The following BCO2 variants were observed in gnomAD, a reference collection of about 807,000 sequenced individuals.
BCO2 encodes the protein carotenoid-cleaving dioxygenase, mitochondrial.
In BCO2, 56 loss-of-function variants were observed where a neutral mutation model predicts 65.8. The ratio of observed to expected loss-of-function variants is 0.85; its 90% CI spans 0.69 to 1.06. The LOEUF (loss-of-function observed/expected upper bound fraction) is 1.06, where lower values mean the gene tolerates loss of function less well. Ranked by LOEUF, BCO2 falls within the 50% of genes least tolerant of loss-of-function variation. The probability of loss-of-function intolerance (pLI) is 0.00; values close to 1 mark genes in which losing one functional copy is unlikely to be tolerated. For missense variants in BCO2, 675 were observed against 698.5 expected (o/e 0.97, Z 0.38); for synonymous variants, 233 against 242.3 (o/e 0.96, Z 0.36).
intron 5 of BCO2, among the ~76,000 whole-genome samples, chr11:112,196,083 T>C (rs1012542221): frequency 5.3e-5 from 8 of 152,228 alleles, no homozygotes; most frequent in African/African-American, 1.9e-4. Context: ...TGGACATTCC[T>C]CTGCTGGGTG....
chr11:112,175,898 AT>A (rs759413498), intron 1 of BCO2: 9 of 474,112 alleles, frequency 1.9e-5, no homozygotes, highest in Non-Finnish European at 3.1e-5. Context: ...CAGCCTTCAC[AT>A]TTGTATATTT....
chr11:112,212,078 A>G (rs1327325576), intron 8 of BCO2, among the ~76,000 whole-genome samples: 1 of 152,100 alleles, frequency 6.6e-6, no homozygotes, highest in Non-Finnish European at 1.5e-5. Context: ...ATGAATCTTA[A>G]GAATAGCACT....
Position 112,193,980 on chromosome 11 carries a change from G to C in BCO2, c.619G>C (p.Glu207Gln), listed in dbSNP as rs556041453. ...GAATAAAGTGGACATTGAAACTCTG[G>C]AAAAAACAGAAAAGGTAAAGTACAG... ...FMNKVDIETL[E>Q]KTEKVDWSKF... The change falls in exon 4 of 12, where the codon GAA (glutamate) becomes CAA (glutamine). Residue 207 changes from glutamate (E) to glutamine (Q), a missense_variant. Coordinates refer to ENST00000357685, the MANE Select transcript of BCO2 (RefSeq NM_031938.7). 2 of 1,577,430 alleles carry C rather than the reference G, an allele frequency of 1.3e-6. No homozygotes were observed. The highest frequency in any genetic ancestry group is 2.2e-5 in the South Asian group (2 of 90,232).
intron 5 of BCO2, among the ~76,000 whole-genome samples, chr11:112,197,582 C>T (rs942622709): frequency 6.6e-6 from 1 of 151,780 alleles, no homozygotes; most frequent in African/African-American, 2.4e-5. Flanking sequence ...TCAGCAATGC[C>T]TTCAAAATAT....
At position 112,199,871 on chromosome 11, in the gene BCO2, T is replaced by C. The variant is rs376667294; in HGVS notation, c.865+44T>C. Reference sequence around the variant, plus strand: ...CAAATTTCAGTGGGCTCTGCCTTGATGTTGCTGTAGCAGAAGGACTAGTCT... The same window carrying C: ...CAAATTTCAGTGGGCTCTGCCTTGACGTTGCTGTAGCAGAAGGACTAGTCT... On this transcript the variant is annotated intron_variant, in intron 6 of 11. Transcript: ENST00000357685. 4.5e-5 allele frequency: 72 copies of C among 1,603,914 alleles called. No individual in the cohort carries two copies. The African/African-American group carries it at 9.3e-4, about 21-fold the overall frequency.
rs12803576 is a variant in BCO2, at chr11:112,215,747, C to A, written c.1516-473C>A. The A allele has an allele frequency of 6.1e-4, 73 of 119,870 alleles. 1 individual carries two copies. Among genetic ancestry groups the A allele is most frequent in the Non-Finnish European group, 9.1e-4 (49 of 53,874 alleles). The allele number at this position is 119,870 out of a possible 1,614,324, so 7.4% of individuals were successfully genotyped here. A position where few individuals can be genotyped will look rare whatever the true frequency, so the allele number is the denominator to read the frequency against. ...AACAAAACAAAAAAACAAAAAAAAA[C>A]AAAAAAAAAAGGAAAAAGAAAAGAG... is the stretch of plus-strand genomic sequence containing the variant. On this transcript the variant is annotated intron_variant, in intron 10 of 11. Coordinates refer to ENST00000357685, the MANE Select transcript of BCO2 (RefSeq NM_031938.7).
chr11:112,183,248 T>C lies in BCO2; in HGVS notation c.293+3766T>C, dbSNP rs1867106213. On this transcript the variant is annotated intron_variant, in intron 2 of 11. Transcript: ENST00000357685. Reference sequence around the variant, plus strand: ...GATGAAAATATTTTCCTTATCACTTTTCTTTCTCCATCCACTCAGTTGTCT... The same window carrying C: ...GATGAAAATATTTTCCTTATCACTTCTCTTTCTCCATCCACTCAGTTGTCT... 3.2e-5 allele frequency: 24 copies of C among 747,066 alleles called. No individual in the cohort carries two copies. In the South Asian group the frequency reaches 3.6e-4, roughly 11 times the overall value. The allele number at this position is 747,066 out of a possible 1,614,324, so 46.3% of individuals were successfully genotyped here. A position where few individuals can be genotyped will look rare whatever the true frequency, so the allele number is the denominator to read the frequency against.
chr11:112,202,400 A>G lies in BCO2; in HGVS notation c.1194+210A>G, dbSNP rs141742632. Among the ~76,000 whole-genome samples, 383 of 152,120 alleles carry G rather than the reference A, an allele frequency of 2.5e-3. 1 individual carries two copies. Among genetic ancestry groups the G allele is most frequent in the African/African-American group, 8.7e-3 (359 of 41,500 alleles). ...CAGGTTCAAGAGATTCTTGTGCCTC[A>G]GCCTCCCGGGTAGCTGGGATTATAG... On this transcript the variant is annotated intron_variant, in intron 8 of 11. Coordinates refer to ENST00000357685, the MANE Select transcript of BCO2 (RefSeq NM_031938.7).
In BCO2 at chr11:112,218,021, T is replaced by A. The variant is rs1859737294; in HGVS notation, c.*147T>A. The A allele has an allele frequency of 1.0e-5, 6 of 595,526 alleles. No individual in the cohort carries two copies. The highest frequency in any genetic ancestry group is 1.5e-5 in the Non-Finnish European group (5 of 340,668). The allele number at this position is 595,526 out of a possible 1,614,324, so 36.9% of individuals were successfully genotyped here. A position where few individuals can be genotyped will look rare whatever the true frequency, so the allele number is the denominator to read the frequency against. On this transcript the variant is annotated 3_prime_UTR_variant, in exon 12 of 12. Transcript: ENST00000357685. The stretch of plus-strand genomic sequence containing the variant: ...AAAAGCTACCTATTGAATACTATGT[T>A]CCCTATTTGGGTGATGGGTTCGTTA...
intron 8 of BCO2, among the ~76,000 whole-genome samples, chr11:112,206,363 C>T (rs986257973): frequency 1.1e-4 from 16 of 151,706 alleles, no homozygotes; most frequent in African/African-American, 2.7e-4. Flanking sequence ...GGTGGGCGGC[C>T]GGGCAGAGGC....
chr11:112,175,556 C>A lies in BCO2; in HGVS notation c.-46C>A. On this transcript the variant is annotated 5_prime_UTR_variant, in exon 1 of 12. Transcript: ENST00000357685. The stretch of plus-strand genomic sequence containing the variant: ...CACTGTTTAGTAGTACTCAAAACTG[C>A]CAGTGTGAGAGGATTTGGAAATCAC... 1 of 1,424,952 alleles carries A rather than the reference C, an allele frequency of 7.0e-7. No homozygotes were observed. 88.3% of individuals were successfully genotyped at this position (1,424,952 alleles called of 1,614,324 possible).
At chr11:112,200,138 TGAC>T (rs1282581533) in intron 6 of BCO2, among the ~76,000 whole-genome samples, 1 of 152,188 alleles carries the variant, frequency 6.6e-6, no homozygotes, top group Non-Finnish European at 1.5e-5. Context: ...AATGTTGTCT[TGAC>T]TATATTTTTT....
rs561423887 is a variant in BCO2 at position 112,217,250 on chromosome 11, G to C, written c.1627-511G>C. ...TAGCCATGATATCCTTTCCAGTCCA[G>C]TTCAGCAACTGAGGAAACAATTTGT... On this transcript the variant is annotated intron_variant, in intron 11 of 11. Coordinates refer to ENST00000357685, the MANE Select transcript of BCO2 (RefSeq NM_031938.7). 1.9e-3 allele frequency among the ~76,000 whole-genome samples: 284 copies of C among 152,360 alleles called. 1 individual carries two copies. Among genetic ancestry groups the C allele is most frequent in the South Asian group, 0.012 (56 of 4,832 alleles).
chr11:112,203,141 C>T (rs1867778730), intron 8 of BCO2, among the ~76,000 whole-genome samples: 1 of 151,824 alleles, frequency 6.6e-6, no homozygotes, highest in Admixed American at 6.6e-5. Context: ...GCAAAGTAGA[C>T]CGTCAATCAG....
At position 112,202,179 on chromosome 11, in the gene BCO2, G is replaced by A. The variant is rs778243985; in HGVS notation, c.1183G>A (p.Gly395Arg). 1 of 1,608,390 alleles carries A rather than the reference G, an allele frequency of 6.2e-7. No homozygotes were observed. Among genetic ancestry groups the A allele is most frequent in the East Asian group, 2.2e-5 (1 of 44,816 alleles). The change falls in exon 8 of 12, where the codon GGG becomes AGG. Residue 395 changes from glycine (G) to arginine (R), a missense_variant. Transcript: ENST00000357685. ...QLQNLRKAGE[G>R]LDQVHNSAAK... ...ACAGAATCTCAGGAAGGCTGGGGAA[G>A]GGCTTGATCAGGTAAACATTAGAAT...
chr11:112,203,382 T>G (rs964466330), intron 8 of BCO2, among the ~76,000 whole-genome samples: 2 of 152,232 alleles, frequency 1.3e-5, no homozygotes, highest in South Asian at 4.1e-4. Flanking sequence ...TTTTCTGTTT[T>G]AAGATTGCCT....
chr11:112,212,368 G>C (rs913504284), intron 8 of BCO2, among the ~76,000 whole-genome samples: 4 of 152,248 alleles, frequency 2.6e-5, no homozygotes, highest in Admixed American at 1.3e-4. Flanking sequence ...AGGCGAGGTA[G>C]CTCACGCCTG....
intron 7 of BCO2, 107 bp from the exon 8 acceptor site, chr11:112,201,916 C>G: frequency 1.0e-6 from 1 of 965,918 alleles, no homozygotes; most frequent in Non-Finnish European, 1.5e-6. Context: ...AGGGGAAAAT[C>G]TTTCTAATTT....
At position 112,179,342 on chromosome 11, in the gene BCO2, G is replaced by T; in HGVS notation, c.153G>T (p.Leu51=). 1.2e-6 allele frequency: 2 copies of T among 1,614,194 alleles called. No homozygotes were observed. The highest frequency in any genetic ancestry group is 1.7e-6 in the Non-Finnish European group (2 of 1,180,032). ...KKAVFGQCRG[L]PCVAPLLTTV... is the part of the protein sequence containing the mutation. The stretch of plus-strand genomic sequence containing the variant: ...CCGTCTTTGGGCAGTGTCGGGGTCT[G>T]CCATGTGTTGCACCGCTGCTGACCA... The change falls in exon 2 of 12, where the codon CTG becomes CTT. Residue 51 remains leucine, a synonymous_variant. Coordinates refer to ENST00000357685, the MANE Select transcript of BCO2 (RefSeq NM_031938.7).
Sources: allele counts gnomAD v4.1 joint callset (sites outside exome capture counted in the v4.1 genomes callset), GRCh38; gene constraint gnomAD v4.1.1; transcripts MANE v1.5; gene names NCBI Gene and HGNC (gene_info 2026-07-23, HGNC 2026-07-21).